The following BCAS3 variants were observed in gnomAD, a reference collection of about 807,000 sequenced individuals.
The protein encoded by BCAS3 is BCAS4/BCAS3 fusion.
A neutral mutation model predicts 116.1 loss-of-function variants in BCAS3; 53 were observed. That is an observed-to-expected ratio of 0.46 (90% CI 0.37 to 0.57). BCAS3 has a LOEUF of 0.57. Ranked by LOEUF, BCAS3 falls within the 20% of genes least tolerant of loss-of-function variation. The probability of loss-of-function intolerance (pLI) is 0.00; values close to 1 mark genes in which losing one functional copy is unlikely to be tolerated. For synonymous variants in BCAS3, 391 were observed against 408.2 expected, an observed-to-expected ratio of 0.96 and a Z score of 0.51; for missense variants, 917 against 1,165.4, an observed-to-expected ratio of 0.79 and a Z score of 3.10.
chr17:61,182,907 T>G (rs2079561265), intron 22 of BCAS3, among the ~76,000 whole-genome samples: 1 of 152,350 alleles, frequency 6.6e-6, no homozygotes, highest in Admixed American at 6.5e-5. Flanking sequence ...TATCTTCACT[T>G]GAATTTGTGG....
At position 60,960,999 on chromosome 17, in the gene BCAS3, C is replaced by T. The variant is rs1194522294; in HGVS notation, c.1221+13647C>T. Among the ~76,000 whole-genome samples, 2 of 152,018 alleles carry T rather than the reference C, an allele frequency of 1.3e-5. No homozygotes were observed. The highest frequency in any genetic ancestry group is 4.8e-5 in the African/African-American group (2 of 41,394). On this transcript the variant is annotated intron_variant, in intron 14 of 23. Transcript: ENST00000407086. The surrounding 1 kb of genome is among the most constrained non-coding windows in gnomAD (Gnocchi z 4.1). ...CCATGAAACACATGCCTGATGTCTT[C>T]AGCAGAATGTTGTCAAGCTATACTC...
In BCAS3 at chr17:60,994,082, G is replaced by A. The variant is rs1396308899; in HGVS notation, c.1486+3847G>A. On this transcript the variant is annotated intron_variant, in intron 15 of 23. Transcript: ENST00000407086. This position sits in a 1 kb window ranked among gnomAD's most constrained non-coding sequence, Gnocchi z 4.4. Reference sequence around the variant, plus strand: ...AAAGTAAGCATTTCCTTTTTGTTATGAACATGGAAAATACATGACAAAAAC... The same window carrying A: ...AAAGTAAGCATTTCCTTTTTGTTATAAACATGGAAAATACATGACAAAAAC... Among the ~76,000 whole-genome samples the A allele has an allele frequency of 6.6e-6, 1 of 151,850 alleles. No individual in the cohort carries two copies. The highest frequency in any genetic ancestry group is 1.5e-5 in the Non-Finnish European group (1 of 67,936).
intron 7 of BCAS3, among the ~76,000 whole-genome samples, chr17:60,850,322 T>TC (rs1190485073): frequency 1.7e-5 from 2 of 114,830 alleles, no homozygotes. Context: ...CTTTTTTCCC[T>TC]CCCCCTAACT....
intron 14 of BCAS3, among the ~76,000 whole-genome samples, chr17:60,952,018 C>T (rs1672450211): frequency 2.0e-5 from 3 of 151,732 alleles, no homozygotes; most frequent in South Asian, 2.1e-4. Context: ...GTGATGCACC[C>T]GCCTCAGCCT....
chr17:60,871,606 G>GTTTTTTTTTTT (rs576443532), intron 8 of BCAS3, among the ~76,000 whole-genome samples: 2 of 131,338 alleles, frequency 1.5e-5, no homozygotes, highest in Non-Finnish European at 1.7e-5. Context: ...GTTTGTTTTT[G>GTTTTTTTTTTT]TTTTTTTTTT....
intron 22 of BCAS3, chr17:61,086,588 A>G (rs759577223): frequency 7.8e-6 from 5 of 639,602 alleles, no homozygotes; most frequent in Non-Finnish European, 9.7e-6. Flanking sequence ...AATTTGCATC[A>G]GAGATACACT....
rs181143446 is a variant in BCAS3 at position 60,879,292 on chromosome 17, A to G, written c.661+4554A>G. On this transcript the variant is annotated intron_variant, in intron 9 of 23. Coordinates refer to ENST00000407086, the MANE Select transcript of BCAS3 (RefSeq NM_017679.5). ...CAGTTATCTTCTAAAATAGTTTGAAAAGGTTTTGTATAATACCTTTTTAGT... is the reference window on the plus strand; with the variant it reads ...CAGTTATCTTCTAAAATAGTTTGAAGAGGTTTTGTATAATACCTTTTTAGT... Among the ~76,000 whole-genome samples, 31 of 152,300 alleles carry G rather than the reference A, an allele frequency of 2.0e-4. 1 individual carries two copies. The South Asian group carries it at 2.9e-3, about 14-fold the overall frequency.
rs370826435 is a variant in BCAS3 at position 60,776,259 on chromosome 17, C to G, written c.403+28980C>G. Among the ~76,000 whole-genome samples, 9 of 152,196 alleles carry G rather than the reference C, an allele frequency of 5.9e-5. No individual in the cohort carries two copies. The East Asian group carries it at 1.4e-3, about 23-fold the overall frequency. ...GTGTGTATAGATGTATATGTATACT[C>G]TCTAATCAGAATGACTCCATATATA... is the stretch of plus-strand genomic sequence containing the variant. On this transcript the variant is annotated intron_variant, in intron 6 of 23. Coordinates refer to ENST00000407086, the MANE Select transcript of BCAS3 (RefSeq NM_017679.5).
intron 8 of BCAS3, among the ~76,000 whole-genome samples, chr17:60,871,736 C>T (rs1185406269): frequency 2.0e-5 from 3 of 151,748 alleles, no homozygotes; most frequent in Non-Finnish European, 4.4e-5. Flanking sequence ...CCCTGGGTTT[C>T]ACCCTAGGGG....
intron 5 of BCAS3, among the ~76,000 whole-genome samples, chr17:60,741,253 C>A (rs968390096): frequency 6.6e-6 from 1 of 152,114 alleles, no homozygotes; most frequent in Non-Finnish European, 1.5e-5. Context: ...TACCTGTGGT[C>A]AGATCTAAGT....
rs113232216 is a variant in BCAS3 at position 60,728,187 on chromosome 17, A to G, written c.321+18862A>G. On this transcript the variant is annotated intron_variant, in intron 5 of 23. Transcript: ENST00000407086. ...TATCCACCATTGTAATATCACACAGAATACTCTCACTGCCCTACACATCCT... is the reference window on the plus strand; with the variant it reads ...TATCCACCATTGTAATATCACACAGGATACTCTCACTGCCCTACACATCCT... 2.5e-3 allele frequency among the ~76,000 whole-genome samples: 375 copies of G among 152,128 alleles called. 1 individual carries two copies. Among genetic ancestry groups the G allele is most frequent in the African/African-American group, 8.3e-3 (346 of 41,522 alleles).
chr17:61,091,243 C>G (rs1227379647), intron 22 of BCAS3, among the ~76,000 whole-genome samples: 2 of 152,166 alleles, frequency 1.3e-5, no homozygotes, highest in East Asian at 1.9e-4. Flanking sequence ...GGAATTGATG[C>G]AATACTTCTC....
intron 6 of BCAS3, among the ~76,000 whole-genome samples, chr17:60,799,803 G>T (rs1023348217): frequency 1.1e-4 from 15 of 135,090 alleles, no homozygotes; most frequent in African/African-American, 4.0e-4. Context: ...TGATCTGCCT[G>T]CCTCGGCCTC....
chr17:61,277,666 A>G (rs2050885214), intron 22 of BCAS3, among the ~76,000 whole-genome samples: 1 of 152,172 alleles, frequency 6.6e-6, no homozygotes, highest in Non-Finnish European at 1.5e-5. Flanking sequence ...TATATAACCC[A>G]ATTAAAAATG....
chr17:60,793,506 GA>G (rs2046953827), intron 6 of BCAS3, among the ~76,000 whole-genome samples: 1 of 152,082 alleles, frequency 6.6e-6, no homozygotes, highest in Non-Finnish European at 1.5e-5. Flanking sequence ...CCCATCACCT[GA>G]GCAGTATACA....
rs377542303 is a variant in BCAS3 at position 60,924,493 on chromosome 17, T to C, written c.1080T>C (p.Asn360=). Reference sequence around the variant, plus strand: ...AGCCAGTGTGCTGCATGGCTTTTAATACAAGTGGTAAGTTCGCTCTCTGTC... The same window carrying C: ...AGCCAGTGTGCTGCATGGCTTTTAACACAAGTGGTAAGTTCGCTCTCTGTC... ...HEKPVCCMAF[N]TSGMLLVTTD... The change falls in exon 13 of 24, where the codon AAT becomes AAC. Residue 360 remains asparagine (N), a synonymous_variant. Coordinates refer to ENST00000407086, the MANE Select transcript of BCAS3 (RefSeq NM_017679.5). 23 of 1,598,000 alleles carry C rather than the reference T, an allele frequency of 1.4e-5. No homozygotes were observed. Among genetic ancestry groups the C allele is most frequent in the Non-Finnish European group, 2.0e-5 (23 of 1,167,550 alleles).
At chr17:61,011,217 C>G (rs1030478991) in intron 15 of BCAS3, among the ~76,000 whole-genome samples, 1 of 151,934 alleles carries the variant, frequency 6.6e-6, no homozygotes, top group Non-Finnish European at 1.5e-5. Flanking sequence ...CTTCATAGAT[C>G]TCAGAAATAT....
chr17:61,344,855 T>C lies in BCAS3; in HGVS notation c.2426-23472T>C, dbSNP rs762446663. Reference sequence around the variant, plus strand: ...GGACAACCATGGCGAGGAGTTGCAATGTCACTCCAGCCCCTTGTTTGCCAC... The same window carrying C: ...GGACAACCATGGCGAGGAGTTGCAACGTCACTCCAGCCCCTTGTTTGCCAC... On this transcript the variant is annotated intron_variant, in intron 22 of 23. Coordinates refer to ENST00000407086, the MANE Select transcript of BCAS3 (RefSeq NM_017679.5). This position sits in a 1 kb window ranked among gnomAD's most constrained non-coding sequence, Gnocchi z 4.1. Among the ~76,000 whole-genome samples the C allele has an allele frequency of 4.0e-5, 6 of 151,876 alleles. No homozygotes were observed. The highest frequency in any genetic ancestry group is 7.4e-5 in the Non-Finnish European group (5 of 67,974).
intron 6 of BCAS3, among the ~76,000 whole-genome samples, chr17:60,805,302 A>T (rs369603587): frequency 1.3e-5 from 2 of 152,184 alleles, no homozygotes; most frequent in African/African-American, 2.4e-5. Flanking sequence ...CCCTTCCTAG[A>T]TATCATATCA....
Sources: gnomAD v4.1 joint callset for allele counts (sites outside exome capture counted in the v4.1 genomes callset) on GRCh38, gnomAD v4.1.1 for gene constraint, Gnocchi (gnomAD v3.1) non-coding constraint, MANE v1.5 for transcripts, NCBI Gene and HGNC (gene_info 2026-07-23, HGNC 2026-07-21) for gene names.